Variants in ABCA12 observed in about 807,000 individuals in gnomAD.
The protein encoded by ABCA12 is glucosylceramide transporter ABCA12.
Under a neutral mutation model 293.5 loss-of-function variants are expected in ABCA12, and 156 were observed. The observed-to-expected ratio is 0.53, with a 90% confidence interval of 0.47 to 0.61. The LOEUF is 0.61. Ranked by LOEUF, ABCA12 falls within the 20% of genes least tolerant of loss-of-function variation. The pLI is 0.00. For synonymous variants in ABCA12, 1,063 were observed against 1,108.0 expected, an observed-to-expected ratio of 0.96 and a Z score of 0.81; for missense variants, 2,797 against 3,090.2, an observed-to-expected ratio of 0.91 and a Z score of 2.25.
Position 215,000,894 on chromosome 2 carries a change from C to T in ABCA12, c.2990G>A (p.Ser997Asn), listed in dbSNP as rs1700129175. ...MSLKTAQTTR[S>N]LRTKIWAPGP... Reference sequence around the variant, plus strand: ...TGGAGCCCAAATCTTGGTTCTTAGGCTTCTTGTGGTCTGTGCGGTCTTGAG... The same window carrying T: ...TGGAGCCCAAATCTTGGTTCTTAGGTTTCTTGTGGTCTGTGCGGTCTTGAG... The change falls in exon 22 of 53, where the codon AGC (serine) becomes AAC (asparagine). Residue 997 changes from serine to asparagine, a missense_variant. Physicochemically the swap from Ser to Asn is conservative, Grantham distance 46. Around this residue, in one of 3 missense-constraint regions of ABCA12, gnomAD observed 2,130 missense variants for 2,427.0 expected, o/e 0.88. Transcript: ENST00000272895. The T allele has an allele frequency of 6.2e-7, 1 of 1,614,122 alleles. No homozygotes were observed. Among genetic ancestry groups the T allele is most frequent in the African/African-American group, 1.3e-5 (1 of 75,030 alleles).
intron 51 of ABCA12, among the ~76,000 whole-genome samples, chr2:214,936,469 T>C (rs935030975): frequency 6.6e-6 from 1 of 152,240 alleles, no homozygotes; most frequent in African/African-American, 2.4e-5. Flanking sequence ...TTCCAATTTC[T>C]TTTTATCATT....
At chr2:214,982,063 T>C (rs1699679021) in intron 30 of ABCA12, 124 bp downstream of exon 30, 1 of 941,778 alleles carries the variant, frequency 1.1e-6, no homozygotes, top group African/African-American at 1.6e-5. Flanking sequence ...CCTCCTGTCT[T>C]GGCCTCCCAA....
chr2:215,115,005 C>T (rs1363142310), intron 1 of ABCA12, among the ~76,000 whole-genome samples: 2 of 152,042 alleles, frequency 1.3e-5, no homozygotes, highest in Non-Finnish European at 2.9e-5. Flanking sequence ...TTGCCTTTTG[C>T]TTGATCTAAT....
At chr2:215,117,135 G>A (rs1408158571) in intron 1 of ABCA12, among the ~76,000 whole-genome samples, 1 of 152,160 alleles carries the variant, frequency 6.6e-6, no homozygotes, top group Non-Finnish European at 1.5e-5. Flanking sequence ...TGCTGTTCTT[G>A]CAACATTTCT....
intron 1 of ABCA12, among the ~76,000 whole-genome samples, chr2:215,120,441 G>A (rs1047357203): frequency 1.3e-5 from 2 of 151,996 alleles, no homozygotes; most frequent in African/African-American, 4.8e-5. Context: ...ATATGACATA[G>A]GAAGTAAAGA....
intron 1 of ABCA12, among the ~76,000 whole-genome samples, chr2:215,134,132 T>G (rs556642058): frequency 6.6e-6 from 1 of 152,064 alleles, no homozygotes; most frequent in African/African-American, 2.4e-5. Context: ...TTCCCTTTTT[T>G]ATAGCCAAAC....
intron 13 of ABCA12, among the ~76,000 whole-genome samples, 166 bp downstream of exon 13, chr2:215,019,170 T>C (rs569428236): frequency 6.6e-6 from 1 of 152,360 alleles, no homozygotes; most frequent in South Asian, 2.1e-4. Context: ...TTCTGTGTGT[T>C]TACTTTAGAC....
intron 51 of ABCA12, 74 bp from the exon 52 acceptor site, chr2:214,934,289 A>G: frequency 7.1e-6 from 11 of 1,538,880 alleles, no homozygotes; most frequent in Non-Finnish European, 9.9e-6. Context: ...TAACTTTACC[A>G]AGAGTTCAGG....
chr2:215,095,666 A>G (rs995635036), intron 2 of ABCA12, among the ~76,000 whole-genome samples: 7 of 152,156 alleles, frequency 4.6e-5, no homozygotes, highest in Admixed American at 4.6e-4. Context: ...GAAGACAGGA[A>G]TGTCAGGCCT....
In ABCA12 at chr2:215,064,206, A is replaced by G; in HGVS notation, c.177T>C (p.Pro59=). Residue 59 remains proline, a synonymous_variant, in exon 3 of 53, where the codon CCT becomes CCC. Transcript: ENST00000272895. ...AGAATCCAGTACTAGGAAGGTTTCG[A>G]GGTGCGAGGTAACCTAAAATTAAAA... The part of the protein sequence containing the change: ...PTAKPTCYLA[P]RNLPSTGFFP... The G allele has an allele frequency of 1.2e-6, 2 of 1,612,514 alleles. No homozygotes were observed. The highest frequency in any genetic ancestry group is 1.7e-6 in the Non-Finnish European group (2 of 1,178,996).
intron 30 of ABCA12, 66 bp downstream of exon 30, chr2:214,982,121 T>A: frequency 1.9e-6 from 3 of 1,572,190 alleles, no homozygotes; most frequent in Non-Finnish European, 2.6e-6. Context: ...CTCAGTTTGC[T>A]TTTGTATATG....
chr2:215,033,514 T>C (rs1700923163), intron 8 of ABCA12, among the ~76,000 whole-genome samples: 1 of 152,190 alleles, frequency 6.6e-6, no homozygotes, highest in African/African-American at 2.4e-5. Context: ...CTCTTCCCTT[T>C]GGTCACTAAG....
intron 39 of ABCA12, among the ~76,000 whole-genome samples, chr2:214,963,828 G>A (rs761327369): frequency 6.8e-6 from 1 of 146,702 alleles, no homozygotes; most frequent in Non-Finnish European, 1.5e-5. Context: ...GCTGGGGCAG[G>A]AGAATTGCTT....
At chr2:215,097,955 T>C (rs532234899) in intron 2 of ABCA12, among the ~76,000 whole-genome samples, 7 of 152,044 alleles carry the variant, frequency 4.6e-5, no homozygotes, top group Non-Finnish European at 7.4e-5. Context: ...AGTTCTATAA[T>C]TTTTTTTCCC....
At chr2:215,017,816 CAT>C in intron 14 of ABCA12, 190 bp downstream of exon 14, 1 of 671,694 alleles carries the variant, frequency 1.5e-6, no homozygotes, top group Non-Finnish European at 2.5e-6. Context: ...AAAAGGGACA[CAT>C]AGTGATAAAA....
At chr2:215,039,216 A>T (rs1024008060) in intron 7 of ABCA12, among the ~76,000 whole-genome samples, 1 of 152,136 alleles carries the variant, frequency 6.6e-6, no homozygotes, top group Non-Finnish European at 1.5e-5. Flanking sequence ...GTTGGTTTAT[A>T]TACAACATAC....
chr2:215,059,178 T>G (rs2106067319), intron 3 of ABCA12, among the ~76,000 whole-genome samples: 1 of 152,204 alleles, frequency 6.6e-6, no homozygotes, highest in African/African-American at 2.4e-5. Flanking sequence ...TACATGGGTA[T>G]GTAGTGGCAC....
rs1038692278 is a variant in ABCA12 at position 215,078,117 on chromosome 2, C to T, written c.164-13898G>A. Among the ~76,000 whole-genome samples, 103 of 152,306 alleles carry T rather than the reference C, an allele frequency of 6.8e-4. 1 individual carries two copies. Among genetic ancestry groups the T allele is most frequent in the African/African-American group, 2.4e-3 (101 of 41,572 alleles). On this transcript the variant is annotated intron_variant, in intron 2 of 52. Transcript: ENST00000272895. ...TGAATTCCCAAGATCTCTCTTCTCG[C>T]ATTTTTAAAAAACAGGTTAGCCATT...
intron 9 of ABCA12, among the ~76,000 whole-genome samples, chr2:215,027,498 C>A (rs1244676885): frequency 6.6e-6 from 1 of 152,118 alleles, no homozygotes; most frequent in Non-Finnish European, 1.5e-5. Context: ...AATATGCCAT[C>A]ATAGGTCATC....
Sources: allele counts gnomAD v4.1 joint callset (sites outside exome capture counted in the v4.1 genomes callset), GRCh38; gene constraint gnomAD v4.1.1; regional missense constraint gnomAD v4.1.1; transcripts MANE v1.5; gene names NCBI Gene and HGNC (gene_info 2026-07-23, HGNC 2026-07-21).